Variants in THADA observed in about 807,000 individuals in gnomAD.
THADA encodes the protein tRNA (32-2'-O)-methyltransferase regulator THADA.
THADA carries 213 observed loss-of-function variants against 219.8 expected under a neutral mutation model. The ratio of observed to expected loss-of-function variants is 0.97; its 90% CI spans 0.87 to 1.09. The LOEUF (loss-of-function observed/expected upper bound fraction) is 1.09. Ranked by LOEUF, THADA falls within the 50% of genes least tolerant of loss-of-function variation. The probability of loss-of-function intolerance (pLI) is 0.00; values close to 1 mark genes in which losing one functional copy is unlikely to be tolerated. For synonymous variants in THADA, 1,018 were observed against 828.9 expected, an observed-to-expected ratio of 1.23 and a Z score of -3.92; for missense variants, 2,956 against 2,311.3, an observed-to-expected ratio of 1.28 and a Z score of -5.72.
At chr2:43,471,346 T>C (rs1443453773) in intron 26 of THADA, among the ~76,000 whole-genome samples, 1 of 152,054 alleles carries the variant, frequency 6.6e-6, no homozygotes, top group East Asian at 1.9e-4. Flanking sequence ...GGCAATGTAG[T>C]GAGACTCTCT....
At chr2:43,562,605 G>A (rs1049446182) in intron 15 of THADA, 2 of 152,086 alleles carry the variant, frequency 1.3e-5, no homozygotes, top group African/African-American at 4.8e-5. Flanking sequence ...TATAAAATGA[G>A]GTAGGAGGTG....
chr2:43,594,572 G>A lies in THADA; in HGVS notation c.-25+1359C>T, dbSNP rs544513233. ...GCACTCCAGCCTGGGAGACAAGAGC[G>A]AAACTCCATCTCAAATAAATAAATA... On this transcript the variant is annotated intron_variant, in intron 1 of 37. Coordinates refer to ENST00000405975, the MANE Select transcript of THADA (RefSeq NM_022065.5). Among the ~76,000 whole-genome samples, 9 of 147,032 alleles carry A rather than the reference G, an allele frequency of 6.1e-5. No homozygotes were observed. In the South Asian group the frequency reaches 1.1e-3, roughly 18 times the overall value.
chr2:43,438,008 AT>A (rs1680337319), intron 26 of THADA, among the ~76,000 whole-genome samples: 1 of 152,154 alleles, frequency 6.6e-6, no homozygotes, highest in Non-Finnish European at 1.5e-5. Flanking sequence ...ATGCTCAACT[AT>A]ACCAAGGGAT....
At chr2:43,292,317 T>A in intron 32 of THADA, 95 bp from the exon 33 acceptor site, 1 of 800,290 alleles carries the variant, frequency 1.2e-6, no homozygotes, top group Non-Finnish European at 1.9e-6. Context: ...CAACAAGAGG[T>A]CTACCTTTCA....
intron 4 of THADA, 43 bp from the exon 5 acceptor site, chr2:43,587,045 C>A: frequency 1.3e-6 from 2 of 1,570,108 alleles, no homozygotes; most frequent in South Asian, 1.1e-5. Flanking sequence ...AATCTAATAG[C>A]CCCAGAATAT....
At chr2:43,335,915 G>A (rs1666362087) in intron 30 of THADA, among the ~76,000 whole-genome samples, 1 of 151,984 alleles carries the variant, frequency 6.6e-6, no homozygotes, top group African/African-American at 2.4e-5. Flanking sequence ...TGGCTAACAT[G>A]GTGAAATCCC....
chr2:43,446,066 T>A (rs1681495134), intron 26 of THADA, among the ~76,000 whole-genome samples: 1 of 152,220 alleles, frequency 6.6e-6, no homozygotes, highest in African/African-American at 2.4e-5. Flanking sequence ...AATATCAATC[T>A]CTTGAATTCT....
At chr2:43,497,559 T>G (rs1243788013) in intron 25 of THADA, among the ~76,000 whole-genome samples, 2 of 151,968 alleles carry the variant, frequency 1.3e-5, no homozygotes, top group Non-Finnish European at 2.9e-5. Flanking sequence ...AGGGAGAACA[T>G]CAGGACAAAT....
chr2:43,329,426 G>A (rs983405963), intron 30 of THADA, among the ~76,000 whole-genome samples: 1 of 152,158 alleles, frequency 6.6e-6, no homozygotes, highest in Non-Finnish European at 1.5e-5. Context: ...TAACAGCACC[G>A]TCAATAGGAC....
intron 29 of THADA, among the ~76,000 whole-genome samples, chr2:43,356,848 T>C (rs181781244): frequency 7.2e-5 from 11 of 152,234 alleles, no homozygotes; most frequent in Non-Finnish European, 1.5e-4. Flanking sequence ...TACTGGATAC[T>C]TCATGGCTTC....
In THADA at chr2:43,508,708, A is replaced by G. The variant is rs757935968; in HGVS notation, c.3447T>C (p.Ser1149=). The stretch of plus-strand genomic sequence containing the variant: ...TAGCACAGAGTTTAGATGAAGGATC[A>G]CTGCATTTAATTTCCTCTAAAACAC... ...LWSVLEEIKC[S]DPSSKLCATR... is the part of the protein sequence containing the mutation. Residue 1149 remains serine, a synonymous_variant, in exon 23 of 38, where the codon AGT becomes AGC. Coordinates refer to ENST00000405975, the MANE Select transcript of THADA (RefSeq NM_022065.5). The G allele has an allele frequency of 6.2e-7, 1 of 1,613,788 alleles. No individual in the cohort carries two copies. Among genetic ancestry groups the G allele is most frequent in the South Asian group, 1.1e-5 (1 of 91,074 alleles).
intron 26 of THADA, among the ~76,000 whole-genome samples, chr2:43,439,480 TGCC>T (rs978883521): frequency 6.6e-6 from 1 of 152,210 alleles, no homozygotes; most frequent in African/African-American, 2.4e-5. Flanking sequence ...ATGTTGTATA[TGCC>T]ACCAGCCATT....
intron 17 of THADA, 32 bp from the exon 18 acceptor site, chr2:43,552,371 G>C: frequency 6.4e-7 from 1 of 1,573,396 alleles, no homozygotes; most frequent in Non-Finnish European, 8.6e-7. Flanking sequence ...TCAAAGTAAT[G>C]TCAATCTTAA....
chr2:43,280,036 G>A (rs1248021995), intron 35 of THADA, 140 bp from the exon 36 acceptor site: 2 of 898,010 alleles, frequency 2.2e-6, no homozygotes, highest in Non-Finnish European at 3.1e-6. Flanking sequence ...TGTTAAGATA[G>A]AAAGAGTGTT....
intron 17 of THADA, among the ~76,000 whole-genome samples, chr2:43,553,007 A>G (rs1262296595): frequency 6.6e-6 from 1 of 152,146 alleles, no homozygotes; most frequent in Non-Finnish European, 1.5e-5. Context: ...ATCTTTTGAA[A>G]CTGGCTTTTC....
intron 30 of THADA, among the ~76,000 whole-genome samples, chr2:43,323,197 A>G (rs1395548082): frequency 3.3e-5 from 5 of 152,070 alleles, no homozygotes; most frequent in African/African-American, 1.2e-4. Context: ...GCTGAAGTGC[A>G]GTGGCATGAT....
intron 31 of THADA, among the ~76,000 whole-genome samples, chr2:43,297,614 G>A (rs1468920643): frequency 2.2e-5 from 2 of 91,370 alleles, no homozygotes; most frequent in East Asian, 2.7e-4. Flanking sequence ...TCAGCCCCCC[G>A]CCCGGCCAGC....
At chr2:43,301,822 T>C (rs72788893) in intron 31 of THADA, among the ~76,000 whole-genome samples, 2 of 152,310 alleles carry the variant, frequency 1.3e-5, no homozygotes, top group Non-Finnish European at 2.9e-5. Context: ...TGTTTCCCAC[T>C]GCAGGTAGAG....
intron 22 of THADA, among the ~76,000 whole-genome samples, chr2:43,516,330 G>T (rs1018700038): frequency 2.0e-5 from 3 of 152,172 alleles, no homozygotes. Context: ...CTTACACAAT[G>T]TCTTAGGCTG....
Sources: allele counts gnomAD v4.1 joint callset (sites outside exome capture counted in the v4.1 genomes callset), GRCh38; gene constraint gnomAD v4.1.1; transcripts MANE v1.5; gene names NCBI Gene and HGNC (gene_info 2026-07-23, HGNC 2026-07-21).